The following MOSMO variants were observed in gnomAD, a reference collection of about 807,000 sequenced individuals.
MOSMO encodes modulator of smoothened protein.
Under a neutral mutation model 18.4 loss-of-function variants are expected in MOSMO, and 5 were observed. The observed-to-expected ratio is 0.27, with a 90% confidence interval of 0.14 to 0.57. The LOEUF (loss-of-function observed/expected upper bound fraction) is 0.57. Among genes scored for constraint, MOSMO ranks in the 20% least tolerant of loss-of-function variants. The probability of loss-of-function intolerance (pLI) is 0.92; values close to 1 mark genes in which losing one functional copy is unlikely to be tolerated. For synonymous variants in MOSMO, 82 were observed against 82.3 expected, an observed-to-expected ratio of 1.00 and a Z score of 0.02; for missense variants, 138 against 211.8, an observed-to-expected ratio of 0.65 and a Z score of 2.16.
chr16:22,026,212 A>G (rs1280989416), intron 1 of MOSMO, among the ~76,000 whole-genome samples: 1 of 142,658 alleles, frequency 7.0e-6, no homozygotes, highest in African/African-American at 2.6e-5. Flanking sequence ...AGAGAATTGC[A>G]TTCTTTTTTT....
intron 1 of MOSMO, among the ~76,000 whole-genome samples, chr16:22,013,887 G>GT (rs1899584812): frequency 6.6e-6 from 1 of 151,126 alleles, no homozygotes; most frequent in Non-Finnish European, 1.5e-5. Context: ...GTTTGGGGGG[G>GT]GGGAATCTCA....
chr16:22,068,745 T>C (rs768122429), intron 1 of MOSMO, among the ~76,000 whole-genome samples: 7 of 152,216 alleles, frequency 4.6e-5, no homozygotes, highest in Non-Finnish European at 8.8e-5. Flanking sequence ...TGTATGGCTA[T>C]TTTGTTTTTT....
intron 1 of MOSMO, among the ~76,000 whole-genome samples, chr16:22,069,489 G>C (rs1235025310): frequency 6.6e-6 from 1 of 152,134 alleles, no homozygotes; most frequent in African/African-American, 2.4e-5. Context: ...AAAGAAAAAA[G>C]TGTGTATGAA....
At chr16:22,044,628 C>A (rs889243253) in intron 1 of MOSMO, among the ~76,000 whole-genome samples, 2 of 152,128 alleles carry the variant, frequency 1.3e-5, no homozygotes, top group Non-Finnish European at 2.9e-5. Flanking sequence ...TGGTCCCAAT[C>A]ATTTTGGATA....
At chr16:22,062,162 A>G (rs1760424959) in intron 1 of MOSMO, among the ~76,000 whole-genome samples, 1 of 152,158 alleles carries the variant, frequency 6.6e-6, no homozygotes, top group Non-Finnish European at 1.5e-5. Flanking sequence ...CATAAATTGG[A>G]CATGAATTCA....
intron 1 of MOSMO, among the ~76,000 whole-genome samples, chr16:22,057,178 C>T (rs148909387): frequency 2.5e-3 from 387 of 152,164 alleles, no homozygotes; most frequent in Non-Finnish European, 4.1e-3. Context: ...ATAACAATAC[C>T]TAAGACTGGG....
intron 1 of MOSMO, among the ~76,000 whole-genome samples, chr16:22,032,717 T>C (rs1393192003): frequency 6.6e-6 from 1 of 152,058 alleles, no homozygotes; most frequent in Non-Finnish European, 1.5e-5. Context: ...CATCTAACTT[T>C]TTAATTTTTT....
chr16:22,058,425 CAAAAAAAA>C (rs924395309), intron 1 of MOSMO, among the ~76,000 whole-genome samples: 7 of 56,752 alleles, frequency 1.2e-4, no homozygotes. Flanking sequence ...GACTCCGTCT[CAAAAAAAA>C]AAAAAAAAAA....
At chr16:22,018,975 A>G (rs1899698079) in intron 1 of MOSMO, among the ~76,000 whole-genome samples, 1 of 152,194 alleles carries the variant, frequency 6.6e-6, no homozygotes, top group Non-Finnish European at 1.5e-5. Flanking sequence ...CTTGTATAGC[A>G]TTTACTTTGT....
At chr16:22,052,622 A>G (rs1164131223) in intron 1 of MOSMO, among the ~76,000 whole-genome samples, 1 of 152,220 alleles carries the variant, frequency 6.6e-6, no homozygotes, top group Non-Finnish European at 1.5e-5. Context: ...TGTCCAGAGT[A>G]GAATAAATAA....
At chr16:22,046,363 A>G (rs1900309373) in intron 1 of MOSMO, among the ~76,000 whole-genome samples, 3 of 152,268 alleles carry the variant, frequency 2.0e-5, no homozygotes, top group Admixed American at 6.5e-5. Flanking sequence ...TGGGGGAAAT[A>G]GGGTTAGGTT....
At chr16:22,020,236 T>G (rs1176774330) in intron 1 of MOSMO, among the ~76,000 whole-genome samples, 1 of 149,666 alleles carries the variant, frequency 6.7e-6, no homozygotes, top group Admixed American at 6.7e-5. Context: ...AAAGTATCAG[T>G]TGGTTTTTAT....
chr16:22,040,125 G>T (rs1301992080), intron 1 of MOSMO, among the ~76,000 whole-genome samples: 1 of 152,138 alleles, frequency 6.6e-6, no homozygotes, highest in African/African-American at 2.4e-5. Context: ...ATCTGGACAG[G>T]AATAATGATA....
rs1035849205 is a variant in MOSMO at position 22,045,707 on chromosome 16, A to G, written c.107-29780A>G. On this transcript the variant is annotated intron_variant, in intron 1 of 2. Transcript: ENST00000542527. ...TATTCTATGGATCATTTATGGATCC[A>G]TAAAATATTCTAAAATACTTATGGA... Among the ~76,000 whole-genome samples, 6 of 152,222 alleles carry G rather than the reference A, an allele frequency of 3.9e-5. No homozygotes were observed. The South Asian group carries it at 8.3e-4, about 21-fold the overall frequency.
At position 22,035,800 on chromosome 16, in the gene MOSMO, G is replaced by A. The variant is rs145822254; in HGVS notation, c.106+27393G>A. On this transcript the variant is annotated intron_variant, in intron 1 of 2. Transcript: ENST00000542527. ...CTCCTTACATGCCTGACTGGAAATC[G>A]GAAGTTACCTGCTTAGTTAAATTTA... is the stretch of plus-strand genomic sequence containing the variant. Among the ~76,000 whole-genome samples the A allele has an allele frequency of 2.6e-4, 39 of 152,228 alleles. No individual in the cohort carries two copies. The East Asian group carries it at 5.2e-3, about 20-fold the overall frequency.
intron 1 of MOSMO, among the ~76,000 whole-genome samples, chr16:22,032,113 G>T (rs116809670): frequency 6.6e-6 from 1 of 151,436 alleles, no homozygotes; most frequent in South Asian, 2.1e-4. Flanking sequence ...ATGATGTAGC[G>T]CATCTTTCCA....
chr16:22,020,628 G>C (rs970616210), intron 1 of MOSMO, among the ~76,000 whole-genome samples: 1 of 152,094 alleles, frequency 6.6e-6, no homozygotes, highest in African/African-American at 2.4e-5. Flanking sequence ...AACTTAATTT[G>C]TAGGTTGTTT....
chr16:22,047,032 G>A (rs561885392), intron 1 of MOSMO, among the ~76,000 whole-genome samples: 1 of 151,918 alleles, frequency 6.6e-6, no homozygotes, highest in African/African-American at 2.4e-5. Flanking sequence ...CCCCCTCCTG[G>A]CATCTTTCCT....
Position 22,065,621 on chromosome 16 carries a change from C to CA in MOSMO, c.107-9856dup, listed in dbSNP as rs984684154. ...TTGTACTGTCCTGTGTATGTTTTAACAAAAAAAAAATATATCTAATTTCTT... is the reference window on the plus strand; with the variant it reads ...TTGTACTGTCCTGTGTATGTTTTAACAAAAAAAAAAATATATCTAATTTCTT... On this transcript the variant is annotated intron_variant, in intron 1 of 2. Coordinates refer to ENST00000542527, the MANE Select transcript of MOSMO (RefSeq NM_001164579.2). Among the ~76,000 whole-genome samples the CA allele has an allele frequency of 1.4e-3, 209 of 148,680 alleles. 1 individual carries two copies. The highest frequency in any genetic ancestry group is 4.3e-3 in the East Asian group (22 of 5,134).
Sources: gnomAD v4.1 joint callset for allele counts (sites outside exome capture counted in the v4.1 genomes callset) on GRCh38, gnomAD v4.1.1 for gene constraint, MANE v1.5 for transcripts, NCBI Gene and HGNC (gene_info 2026-07-23, HGNC 2026-07-21) for gene names.